GPHN: variants seen among roughly 807,000 people sequenced by gnomAD.
GPHN encodes gephyrin.
In GPHN, 17 loss-of-function variants were observed where a neutral mutation model predicts 95.5. The observed-to-expected ratio is 0.18, with a 90% CI of 0.12 to 0.27. The LOEUF (loss-of-function observed/expected upper bound fraction) is 0.27, where lower values mean the gene tolerates loss of function less well. GPHN is among the 10% of genes least tolerant of loss of function. The pLI is 1.00. For missense variants in GPHN, 660 were observed against 978.1 expected (o/e 0.67, Z 4.34); for synonymous variants, 320 against 322.5 (o/e 0.99, Z 0.08).
chr14:67,053,929 CT>C (rs780979753), intron 10 of GPHN, among the ~76,000 whole-genome samples: 6 of 152,322 alleles, frequency 3.9e-5, no homozygotes, highest in Non-Finnish European at 8.8e-5. Context: ...ATGTTAAAAA[CT>C]TTCAATAAAC....
At chr14:67,493,528 C>G in the GPHN span, among the ~76,000 whole-genome samples, 4 of 152,184 alleles carry the variant, frequency 2.6e-5, no homozygotes, top group Admixed American at 6.5e-5. Flanking sequence ...GAGTAAATTG[C>G]CTTGCTGAGA....
At chr14:66,591,357 C>G (rs962837116) in intron 1 of GPHN, among the ~76,000 whole-genome samples, 1 of 151,980 alleles carries the variant, frequency 6.6e-6, no homozygotes, top group Non-Finnish European at 1.5e-5. Context: ...GAATAGAAGA[C>G]GTCAGATTGT....
intron 3 of GPHN, among the ~76,000 whole-genome samples, chr14:66,779,486 T>TTTATGTAAAGAATATTGAATTGAAA (rs1319936074): frequency 6.6e-6 from 1 of 152,076 alleles, no homozygotes; most frequent in Non-Finnish European, 1.5e-5. Context: ...ATAAGCAACA[T>TTTATGTAAAGAATATTGAATTGAAA]TTATGTAAAG....
chr14:66,782,800 T>C (rs538865233), intron 3 of GPHN, among the ~76,000 whole-genome samples: 1 of 152,050 alleles, frequency 6.6e-6, no homozygotes, highest in South Asian at 2.1e-4. Flanking sequence ...GCCACTGCAC[T>C]CCACCCTGGA....
At chr14:67,390,757 G>A in the GPHN span, 2 of 1,589,644 alleles carry the variant, frequency 1.3e-6, no homozygotes, top group Non-Finnish European at 1.7e-6. Context: ...CTGAGGCAAA[G>A]AAATGGTTCA....
intron 1 of GPHN, among the ~76,000 whole-genome samples, chr14:66,640,034 A>T (rs1230975586): frequency 6.6e-6 from 1 of 152,180 alleles, no homozygotes; most frequent in African/African-American, 2.4e-5. Context: ...AGGCATTTAT[A>T]ATAAAGAAGC....
the GPHN span, chr14:67,660,046 C>T: frequency 1.0e-6 from 1 of 994,392 alleles, no homozygotes; most frequent in East Asian, 2.7e-5. Flanking sequence ...TAACCATATG[C>T]TCCATGAGGC....
At chr14:66,980,193 C>A (rs548288525) in intron 9 of GPHN, among the ~76,000 whole-genome samples, 5 of 152,038 alleles carry the variant, frequency 3.3e-5, no homozygotes, top group Admixed American at 2.6e-4. Flanking sequence ...AAATTGGTGA[C>A]GATAGATTCG....
At chr14:67,243,221 C>T in the GPHN span, among the ~76,000 whole-genome samples, 1 of 151,660 alleles carries the variant, frequency 6.6e-6, no homozygotes, top group Non-Finnish European at 1.5e-5. Context: ...CATAGTCTCG[C>T]TCTTGCCCAG....
At chr14:66,884,818 G>GTATATATA (rs34476314) in intron 5 of GPHN, among the ~76,000 whole-genome samples, 26 of 144,914 alleles carry the variant, frequency 1.8e-4, no homozygotes, top group Non-Finnish European at 1.7e-4. Context: ...ATGTGTGTGT[G>GTATATATA]TATATATATA....
At chr14:67,401,851 C>T in the GPHN span, among the ~76,000 whole-genome samples, 1 of 151,962 alleles carries the variant, frequency 6.6e-6, no homozygotes, top group Non-Finnish European at 1.5e-5. Context: ...CAGGCCGGCG[C>T]GGTGGCTCAC....
chr14:67,184,385 A>C (rs188582964), downstream of GPHN, among the ~76,000 whole-genome samples: 14 of 152,320 alleles, frequency 9.2e-5, no homozygotes, highest in African/African-American at 3.4e-4. Flanking sequence ...ATAAACTAGA[A>C]TGGAAAGAAA....
At chr14:67,680,484 T>C in the GPHN span, among the ~76,000 whole-genome samples, 7 of 152,196 alleles carry the variant, frequency 4.6e-5, no homozygotes, top group South Asian at 2.1e-4. Context: ...TTGTTTTTTT[T>C]AGACAGGGTC....
rs937702940 is a variant in GPHN, at chr14:66,840,621, C to T, written c.294+16055C>T. Among the ~76,000 whole-genome samples, 25 of 145,346 alleles carry T rather than the reference C, an allele frequency of 1.7e-4. No homozygotes were observed. The East Asian group carries it at 4.5e-3, about 26-fold the overall frequency. ...GCTGTGCTCTAATAAAACTTTATTA[C>T]GGCCACTGAATTTGGATTTCATATA... On this transcript the variant is annotated intron_variant, in intron 4 of 22. Coordinates refer to ENST00000478722, the MANE Select transcript of GPHN (RefSeq NM_020806.5).
chr14:67,083,763 C>T lies in GPHN; in HGVS notation c.1145-5220C>T, dbSNP rs367554919. 5.3e-5 allele frequency among the ~76,000 whole-genome samples: 8 copies of T among 152,192 alleles called. No individual in the cohort carries two copies. In the East Asian group the frequency reaches 5.8e-4, roughly 11 times the overall value. On this transcript the variant is annotated intron_variant, in intron 11 of 22. Transcript: ENST00000478722. ...AGTCTGGGTTTAGGGAAGCCTTGAC[C>T]ATATGCATGGAGGTGAGCAAGTATA...
At chr14:67,124,841 A>G (rs2079206596) in intron 17 of GPHN, among the ~76,000 whole-genome samples, 1 of 151,796 alleles carries the variant, frequency 6.6e-6, no homozygotes, top group Non-Finnish European at 1.5e-5. Flanking sequence ...GTTACTTAAT[A>G]TACTGTATAT....
the GPHN span, among the ~76,000 whole-genome samples, chr14:67,534,272 T>C: frequency 6.6e-6 from 1 of 152,134 alleles, no homozygotes; most frequent in African/African-American, 2.4e-5. Flanking sequence ...AGGAGGAAGC[T>C]GGGACTCTGA....
At chr14:66,634,618 T>C (rs2064001859) in intron 1 of GPHN, among the ~76,000 whole-genome samples, 1 of 152,178 alleles carries the variant, frequency 6.6e-6, no homozygotes. Context: ...TGGGCCGGGC[T>C]ACACAGATTC....
chr14:67,445,942 T>C, the GPHN span: 2 of 456,770 alleles, frequency 4.4e-6, no homozygotes, highest in Non-Finnish European at 8.8e-6. Context: ...TTGTGGCTAA[T>C]GTCAAGTCCT....
Sources: allele counts gnomAD v4.1 joint callset (sites outside exome capture counted in the v4.1 genomes callset), GRCh38; gene constraint gnomAD v4.1.1; transcripts MANE v1.5; gene names NCBI Gene and HGNC (gene_info 2026-07-23, HGNC 2026-07-21).